The following POF1B variants were observed in gnomAD, a reference collection of about 807,000 sequenced individuals.
POF1B encodes POF1B actin binding protein.
POF1B carries 53 observed loss-of-function variants against 55.3 expected under a neutral mutation model. That is an observed-to-expected ratio of 0.96 (90% confidence interval 0.77 to 1.20). POF1B has a LOEUF of 1.20. Among genes scored for constraint, POF1B ranks in the 50% most tolerant of loss-of-function variants. The pLI is 0.00. For synonymous variants in POF1B, 188 were observed against 148.3 expected, an observed-to-expected ratio of 1.27 and a Z score of -1.95; for missense variants, 478 against 420.5, an observed-to-expected ratio of 1.14 and a Z score of -1.20.
At chrX:85,317,828 G>A (rs1026764114) in intron 7 of POF1B, among the ~76,000 whole-genome samples, 13 of 111,347 alleles carry the variant, frequency 1.2e-4, no homozygotes, top group South Asian at 1.1e-3. Flanking sequence ...CTAAATGCCC[G>A]TCAGTGATAG....
chrX:85,362,461 T>C (rs1363688160), intron 3 of POF1B, among the ~76,000 whole-genome samples: 1 of 112,045 alleles, frequency 8.9e-6, no homozygotes, highest in East Asian at 2.8e-4. Flanking sequence ...GAAGCAATGT[T>C]AAATTTTATC....
At chrX:85,322,338 T>G (rs961802659) in intron 7 of POF1B, among the ~76,000 whole-genome samples, 5 of 110,977 alleles carry the variant, frequency 4.5e-5, no homozygotes, top group Non-Finnish European at 7.6e-5. Context: ...AAACAAGCAA[T>G]GGGGAAAGGA....
Position 85,278,564 on chromosome X carries a change from T to C in POF1B, c.*857A>G. The C allele has an allele frequency of 9.0e-6, 1 of 111,617 alleles. No homozygotes were observed. Among genetic ancestry groups the C allele is most frequent in the Middle Eastern group, 4.6e-3 (1 of 216 alleles). 9.2% of individuals were successfully genotyped at this position (111,617 alleles called of 1,213,427 possible). A position where few individuals can be genotyped will look rare whatever the true frequency, so the allele number is the denominator to read the frequency against. ...TAGGATAAATCTATCAAGTATTTGT[T>C]GCTGCTATTTTTATTCCCTAAGTCT... On this transcript the variant is annotated 3_prime_UTR_variant, in exon 17 of 17. Transcript: ENST00000262753.
chrX:85,347,033 T>C (rs1462831634), intron 5 of POF1B, among the ~76,000 whole-genome samples: 2 of 111,104 alleles, frequency 1.8e-5, no homozygotes, highest in Non-Finnish European at 3.8e-5. Context: ...TAAATCTTTG[T>C]TATTTGCTTA....
chrX:85,349,912 G>A (rs1184427611), intron 5 of POF1B, among the ~76,000 whole-genome samples: 4 of 110,857 alleles, frequency 3.6e-5, no homozygotes, highest in Non-Finnish European at 7.6e-5. Flanking sequence ...TGGACATTGG[G>A]CTGGACATGC....
At chrX:85,282,165 T>G in intron 16 of POF1B, 38 bp downstream of exon 16, 1 of 1,159,276 alleles carries the variant, frequency 8.6e-7, no homozygotes, top group South Asian at 2.1e-5. Context: ...TGTACATATA[T>G]CGTCAAAATA....
At chrX:85,320,519 A>G (rs1932826768) in intron 7 of POF1B, among the ~76,000 whole-genome samples, 1 of 111,378 alleles carries the variant, frequency 9.0e-6, no homozygotes, top group Non-Finnish European at 1.9e-5. Context: ...CCGTAACATC[A>G]CAATTAAAAG....
intron 5 of POF1B, among the ~76,000 whole-genome samples, chrX:85,348,124 A>T (rs1336651180): frequency 9.0e-6 from 1 of 111,306 alleles, no homozygotes; most frequent in African/African-American, 3.3e-5. Context: ...TGTCTCTTGA[A>T]TAGAACACTG....
chrX:85,301,701 T>G (rs755548070), intron 15 of POF1B, among the ~76,000 whole-genome samples: 2 of 111,914 alleles, frequency 1.8e-5, no homozygotes, highest in African/African-American at 6.5e-5. Flanking sequence ...AATGTTACTG[T>G]AGAAAATATT....
At chrX:85,311,304 C>A (rs1161339350) in intron 9 of POF1B, among the ~76,000 whole-genome samples, 1 of 110,937 alleles carries the variant, frequency 9.0e-6, no homozygotes, top group Non-Finnish European at 1.9e-5. Context: ...CTGCACCCAT[C>A]AACCTGTCAT....
intron 6 of POF1B, among the ~76,000 whole-genome samples, chrX:85,345,542 A>G (rs1443077690): frequency 9.0e-6 from 1 of 111,514 alleles, no homozygotes; most frequent in Admixed American, 9.6e-5. Context: ...GTTCATTTAA[A>G]TACCATACCT....
chrX:85,289,848 T>C (rs1932141722), intron 15 of POF1B, among the ~76,000 whole-genome samples: 1 of 111,385 alleles, frequency 9.0e-6, no homozygotes, highest in African/African-American at 3.3e-5. Context: ...CAGCATATTA[T>C]TCAAAATGTC....
intron 15 of POF1B, among the ~76,000 whole-genome samples, chrX:85,291,846 A>G (rs756181317): frequency 4.5e-5 from 5 of 111,546 alleles, no homozygotes; most frequent in African/African-American, 1.6e-4. Flanking sequence ...TTTTCTAGAT[A>G]TAGGATCATG....
At chrX:85,353,574 A>C (rs1193402629) in intron 4 of POF1B, among the ~76,000 whole-genome samples, 1 of 111,297 alleles carries the variant, frequency 9.0e-6, no homozygotes, top group Admixed American at 9.6e-5. Context: ...AGCAAACTAC[A>C]CAGTGCATAG....
chrX:85,322,511 TA>T (rs1328703476), intron 7 of POF1B, among the ~76,000 whole-genome samples: 1 of 111,683 alleles, frequency 9.0e-6, no homozygotes, highest in East Asian at 2.8e-4. Context: ...ACCTAGGCAT[TA>T]CCATTCAGGA....
chrX:85,343,432 C>A (rs1041030673), intron 6 of POF1B, among the ~76,000 whole-genome samples: 1 of 110,542 alleles, frequency 9.0e-6, no homozygotes, highest in South Asian at 3.8e-4. Context: ...TGCCACTGGA[C>A]AAAACTCTTA....
At chrX:85,321,044 G>A (rs376213221) in intron 7 of POF1B, among the ~76,000 whole-genome samples, 3 of 111,334 alleles carry the variant, frequency 2.7e-5, no homozygotes, top group Non-Finnish European at 5.7e-5. Flanking sequence ...TCCTTCTGAA[G>A]CTATTCCAAT....
chrX:85,365,744 C>T (rs1023037708), intron 3 of POF1B, among the ~76,000 whole-genome samples: 16 of 111,573 alleles, frequency 1.4e-4, no homozygotes, highest in Admixed American at 7.6e-4. Flanking sequence ...AGCTCTATGG[C>T]GATATCAGTG....
intron 7 of POF1B, among the ~76,000 whole-genome samples, chrX:85,320,486 G>C (rs1264683779): frequency 9.0e-6 from 1 of 111,035 alleles, no homozygotes; most frequent in African/African-American, 3.3e-5. Flanking sequence ...ACAAGAGAAA[G>C]CAGGAAAGAT....
Sources: allele counts gnomAD v4.1 joint callset (sites outside exome capture counted in the v4.1 genomes callset), GRCh38; gene constraint gnomAD v4.1.1; transcripts MANE v1.5; gene names NCBI Gene and HGNC (gene_info 2026-07-23, HGNC 2026-07-21).